RSPH9: variants seen among roughly 807,000 people sequenced by gnomAD.
The protein encoded by RSPH9 is radial spoke head component 9.
A neutral mutation model predicts 27.0 loss-of-function variants in RSPH9; 27 were observed. The observed-to-expected ratio is 1.00, with a 90% CI of 0.74 to 1.38. The LOEUF (loss-of-function observed/expected upper bound fraction) is 1.38. Ranked by LOEUF, RSPH9 falls within the 40% of genes most tolerant of loss-of-function variation. The pLI, the probability that RSPH9 is intolerant of heterozygous loss-of-function variation, is 0.00. For missense variants in RSPH9, 347 were observed against 357.4 expected (o/e 0.97, Z 0.24); for synonymous variants, 145 against 147.7 (o/e 0.98, Z 0.13).
At chr6:43,656,758 T>C in intron 4 of RSPH9, 35 bp downstream of exon 4, 1 of 1,611,142 alleles carries the variant, frequency 6.2e-7, no homozygotes, top group Non-Finnish European at 8.5e-7. Flanking sequence ...ATGGGATCTG[T>C]CCTCAGGCCA....
intron 4 of RSPH9, chr6:43,666,649 T>C (rs1582397890): frequency 4.9e-6 from 3 of 610,910 alleles, no homozygotes; most frequent in African/African-American, 1.9e-5. Context: ...CAAAGTTCCA[T>C]GGGAGTGGGT....
rs970756981 is a variant in RSPH9 at position 43,671,449 on chromosome 6, A to G, written c.*500A>G. 6.6e-6 allele frequency: 3 copies of G among 453,020 alleles called. No individual in the cohort carries two copies. Among genetic ancestry groups the G allele is most frequent in the South Asian group, 4.9e-5 (2 of 41,050 alleles). The allele number at this position is 453,020 out of a possible 1,614,324, so 28.1% of individuals were successfully genotyped here. ...TTCCCAAGCAGTGAGCGCACACCCAATGGGTAAGCCCATGAACCCAGTTTA... is the reference window on the plus strand; with the variant it reads ...TTCCCAAGCAGTGAGCGCACACCCAGTGGGTAAGCCCATGAACCCAGTTTA... On this transcript the variant is annotated 3_prime_UTR_variant, in exon 5 of 5. Coordinates refer to ENST00000372163, the MANE Select transcript of RSPH9 (RefSeq NM_152732.5).
intron 1 of RSPH9, among the ~76,000 whole-genome samples, chr6:43,649,642 T>G (rs1262304695): frequency 6.6e-6 from 1 of 151,998 alleles, no homozygotes. Flanking sequence ...GTGGGCCTGG[T>G]GAGTGCTCCC....
intron 4 of RSPH9, among the ~76,000 whole-genome samples, chr6:43,661,554 G>A (rs866735193): frequency 1.3e-5 from 2 of 151,704 alleles, no homozygotes; most frequent in Admixed American, 1.3e-4. Context: ...CCAGCTATTC[G>A]GGAGGCTGAG....
At chr6:43,646,892 G>A (rs1770930837) in intron 1 of RSPH9, among the ~76,000 whole-genome samples, 1 of 150,868 alleles carries the variant, frequency 6.6e-6, no homozygotes, top group South Asian at 2.1e-4. Flanking sequence ...GGAGGCGGAG[G>A]TTGCAGTGAG....
Position 43,670,962 on chromosome 6 carries a change from C to A in RSPH9, c.*13C>A, listed in dbSNP as rs369595180. The A allele has an allele frequency of 1.1e-4, 177 of 1,613,994 alleles. No individual in the cohort carries two copies. Among genetic ancestry groups the A allele is most frequent in the Non-Finnish European group, 1.4e-4 (171 of 1,180,030 alleles). ...CTTCATGCTATAGAATGGGAGCCAG[C>A]CTGGATGTTTTTAAACAGAGTCTAA... On this transcript the variant is annotated 3_prime_UTR_variant, in exon 5 of 5. Transcript: ENST00000372163.
At chr6:43,647,770 T>C (rs1304858509) in intron 1 of RSPH9, among the ~76,000 whole-genome samples, 1 of 152,248 alleles carries the variant, frequency 6.6e-6, no homozygotes, top group Admixed American at 6.5e-5. Context: ...CATTTTATTC[T>C]ATAAGCATCT....
rs1353857846 is a variant in RSPH9, at chr6:43,671,240, C to G, written c.*291C>G. 1 of 536,616 alleles carries G rather than the reference C, an allele frequency of 1.9e-6. No homozygotes were observed. Among genetic ancestry groups the G allele is most frequent in the Non-Finnish European group, 3.3e-6 (1 of 299,014 alleles). The allele number at this position is 536,616 out of a possible 1,614,324, so 33.2% of individuals were successfully genotyped here. On this transcript the variant is annotated 3_prime_UTR_variant, in exon 5 of 5. Coordinates refer to ENST00000372163, the MANE Select transcript of RSPH9 (RefSeq NM_152732.5). ...GTTTCTTGGATTCACACGAGAGCGG[C>G]AAGTGTGTCAGGCAGCCCACCTTGG...
At chr6:43,659,307 C>T (rs1482850828) in intron 4 of RSPH9, among the ~76,000 whole-genome samples, 1 of 151,832 alleles carries the variant, frequency 6.6e-6, no homozygotes, top group Non-Finnish European at 1.5e-5. Context: ...ACTGCAACCT[C>T]CACCTTCTGG....
At chr6:43,653,410 G>A (rs1771683280) in intron 2 of RSPH9, among the ~76,000 whole-genome samples, 2 of 140,106 alleles carry the variant, frequency 1.4e-5, no homozygotes, top group South Asian at 4.5e-4. Flanking sequence ...TCGCGTCATT[G>A]CACTCCAGCC....
chr6:43,659,345 A>C (rs1259418200), intron 4 of RSPH9, among the ~76,000 whole-genome samples: 15 of 146,938 alleles, frequency 1.0e-4, no homozygotes, highest in African/African-American at 3.3e-4. Context: ...GCCTCAGCTT[A>C]CTGAATAGCT....
At chr6:43,666,865 C>T (rs891249543) in intron 4 of RSPH9, among the ~76,000 whole-genome samples, 2 of 152,126 alleles carry the variant, frequency 1.3e-5, no homozygotes, top group African/African-American at 2.4e-5. Flanking sequence ...CTCCTGCCTC[C>T]GTCTCCCAAG....
intron 4 of RSPH9, among the ~76,000 whole-genome samples, chr6:43,663,504 C>T (rs906393181): frequency 3.9e-5 from 6 of 152,108 alleles, no homozygotes; most frequent in Non-Finnish European, 7.3e-5. Flanking sequence ...CAGGAAAGAA[C>T]CAATGCGCCC....
chr6:43,660,258 C>G (rs925223121), intron 4 of RSPH9, among the ~76,000 whole-genome samples: 1 of 151,904 alleles, frequency 6.6e-6, no homozygotes, highest in African/African-American at 2.4e-5. Context: ...CCAGGCTGAT[C>G]TTGAACTCCT....
chr6:43,645,849 G>A (rs1283097263), intron 1 of RSPH9, among the ~76,000 whole-genome samples: 1 of 152,182 alleles, frequency 6.6e-6, no homozygotes, highest in Non-Finnish European at 1.5e-5. Context: ...AGAGGTATCT[G>A]CTCTGGAGCT....
chr6:43,653,982 G>A (rs1367081438), intron 2 of RSPH9, among the ~76,000 whole-genome samples: 1 of 152,132 alleles, frequency 6.6e-6, no homozygotes, highest in East Asian at 1.9e-4. Flanking sequence ...GTGAGCCACC[G>A]GGCCCAGCCG....
Position 43,657,701 on chromosome 6 carries a change from T to C in RSPH9, c.670+978T>C, listed in dbSNP as rs577106379. Among the ~76,000 whole-genome samples, 994 of 152,258 alleles carry C rather than the reference T, an allele frequency of 6.5e-3. 6 individuals carry two copies. The highest frequency in any genetic ancestry group is 0.022 in the African/African-American group (911 of 41,536). Reference sequence around the variant, plus strand: ...GGGCTGTGGAATCAGACAGGCTGGGTTGGAATCCTGAATTGGCCACTTACT... The same window carrying C: ...GGGCTGTGGAATCAGACAGGCTGGGCTGGAATCCTGAATTGGCCACTTACT... On this transcript the variant is annotated intron_variant, in intron 4 of 4. Coordinates refer to ENST00000372163, the MANE Select transcript of RSPH9 (RefSeq NM_152732.5).
rs562835719 is a variant in RSPH9, at chr6:43,645,227, G to A, written c.129G>A (p.Arg43=). Residue 43 remains arginine, a synonymous_variant, in exon 1 of 5, where the codon CGG becomes CGA. Coordinates refer to ENST00000372163, the MANE Select transcript of RSPH9 (RefSeq NM_152732.5). ...TTAAGCGCGACTACCGCTATGATCG[G>A]GTTCTCTTCTGGGGCCGCATCCTTG... The part of the protein sequence containing the change: ...MLVKRDYRYD[R]VLFWGRILGL... The A allele has an allele frequency of 3.2e-5, 52 of 1,614,094 alleles. 1 individual carries two copies. In the South Asian group the frequency reaches 5.1e-4, roughly 16 times the overall value.
intron 4 of RSPH9, among the ~76,000 whole-genome samples, chr6:43,667,403 G>A (rs1004636878): frequency 6.9e-6 from 1 of 145,836 alleles, no homozygotes; most frequent in Non-Finnish European, 1.5e-5. Flanking sequence ...CTCAGTTCAG[G>A]CAGCAGAGGG....
Sources: allele counts gnomAD v4.1 joint callset (sites outside exome capture counted in the v4.1 genomes callset), GRCh38; gene constraint gnomAD v4.1.1; transcripts MANE v1.5; gene names NCBI Gene and HGNC (gene_info 2026-07-23, HGNC 2026-07-21).